Variants in CYLC2 observed in about 807,000 individuals in gnomAD.
CYLC2 encodes cylicin 2, also known as cylicin-2.
Under a neutral mutation model 26.1 loss-of-function variants are expected in CYLC2, and 30 were observed. The ratio of observed to expected loss-of-function variants is 1.15; its 90% CI spans 0.86 to 1.56. The LOEUF (loss-of-function observed/expected upper bound fraction) is 1.56, where lower values mean the gene tolerates loss of function less well. CYLC2 is among the 40% of genes most tolerant of loss of function. The pLI is 0.00. For missense variants in CYLC2, 498 were observed against 394.4 expected (o/e 1.26, Z -2.23); for synonymous variants, 158 against 132.8 (o/e 1.19, Z -1.31).
At chr9:103,009,001 T>G (rs1034006334) in intron 5 of CYLC2, among the ~76,000 whole-genome samples, 1 of 152,154 alleles carries the variant, frequency 6.6e-6, no homozygotes, top group Admixed American at 6.6e-5. Context: ...TTCCCTGCCC[T>G]CATGTGACAA....
At chr9:103,000,716 T>C (rs1383663333) in intron 1 of CYLC2, among the ~76,000 whole-genome samples, 1 of 152,070 alleles carries the variant, frequency 6.6e-6, no homozygotes, top group African/African-American at 2.4e-5. Context: ...CCTTAAGTTT[T>C]ACACGCTGTC....
rs1564100475 is a variant in CYLC2, at chr9:103,013,348, T to TATATTTA, written c.*816+1255_*816+1256insTTAATAT. Among the ~76,000 whole-genome samples, 501 of 81,232 alleles carry TATATTTA rather than the reference T, an allele frequency of 6.2e-3. 16 individuals carry two copies. Among genetic ancestry groups the TATATTTA allele is most frequent in the African/African-American group, 0.024 (483 of 20,528 alleles). 53.3% of individuals were successfully genotyped at this position (81,232 alleles called of 152,430 possible). On this transcript the variant is annotated intron_variant, in intron 6 of 7. Coordinates refer to ENST00000374798, the MANE Select transcript of CYLC2 (RefSeq NM_001340.5). Reference sequence around the variant, plus strand: ...ATATATATTTAATATATTATATAAATATATATTATATAAATATATATTTAA... The same window carrying TATATTTA: ...ATATATATTTAATATATTATATAAATATATTTAATATATTATATAAATATATATTTAA...
chr9:103,009,038 T>C (rs1336932078), intron 5 of CYLC2, among the ~76,000 whole-genome samples: 1 of 152,172 alleles, frequency 6.6e-6, no homozygotes, highest in African/African-American at 2.4e-5. Context: ...TACCATGCAC[T>C]TGTTGCATTG....
At chr9:103,012,773 T>C (rs1829421295) in intron 6 of CYLC2, among the ~76,000 whole-genome samples, 1 of 151,764 alleles carries the variant, frequency 6.6e-6, no homozygotes, top group African/African-American at 2.4e-5. Flanking sequence ...TAAGTTATTA[T>C]ATGTGGTTTA....
intron 7 of CYLC2, among the ~76,000 whole-genome samples, chr9:103,017,895 GATCTGTGTTCTA>G (rs1829523470): frequency 6.6e-6 from 1 of 151,820 alleles, no homozygotes; most frequent in African/African-American, 2.4e-5. Flanking sequence ...CCTCTGTGTG[GATCTGTGTTCTA>G]ATCTCTTGTA....
chr9:103,002,319 T>TATAACG (rs1015336130), intron 2 of CYLC2, among the ~76,000 whole-genome samples: 12 of 150,794 alleles, frequency 8.0e-5, no homozygotes, highest in African/African-American at 2.9e-4. Context: ...ATATGTCACC[T>TATAACG]ATAACGATAC....
At chr9:102,997,028 A>T (rs1271371464) in intron 1 of CYLC2, among the ~76,000 whole-genome samples, 1 of 151,856 alleles carries the variant, frequency 6.6e-6, no homozygotes, top group African/African-American at 2.4e-5. Flanking sequence ...TTAGCTTCCC[A>T]ATCTCGTATC....
At chr9:103,014,294 T>A (rs1468110136) in intron 6 of CYLC2, among the ~76,000 whole-genome samples, 2 of 133,098 alleles carry the variant, frequency 1.5e-5, no homozygotes, top group Non-Finnish European at 3.1e-5. Context: ...GTATACATAA[T>A]ATTACATATA....
intron 7 of CYLC2, among the ~76,000 whole-genome samples, chr9:103,018,061 C>A (rs988793419): frequency 6.6e-6 from 1 of 151,936 alleles, no homozygotes; most frequent in African/African-American, 2.4e-5. Flanking sequence ...GACAATTTAT[C>A]CCACAACGAA....
In CYLC2 at chr9:103,005,297, G is replaced by A; in HGVS notation, c.666G>A (p.Lys222=). 3.7e-6 allele frequency: 6 copies of A among 1,613,604 alleles called. No individual in the cohort carries two copies. The highest frequency in any genetic ancestry group is 5.1e-6 in the Non-Finnish European group (6 of 1,179,886). Residue 222 remains lysine (K), a synonymous_variant, in exon 5 of 8, where the codon AAG becomes AAA. Transcript: ENST00000374798. Reference sequence around the variant, plus strand: ...AGAAAGATAGCAAAAAAGGTAAAAAGGATTCAAAGAAGGGCAAGGATTCAG... The same window carrying A: ...AGAAAGATAGCAAAAAAGGTAAAAAAGATTCAAAGAAGGGCAAGGATTCAG... ...GTEKDSKKGK[K]DSKKGKDSAI...
Position 103,005,197 on chromosome 9 carries a change from A to G in CYLC2, c.566A>G (p.Asn189Ser), listed in dbSNP as rs749657927. 26 of 1,607,590 alleles carry G rather than the reference A, an allele frequency of 1.6e-5. No individual in the cohort carries two copies. The highest frequency in any genetic ancestry group is 1.9e-5 in the Non-Finnish European group (22 of 1,178,408). ...GAAAAAGGAGGTGCAAAGAAAGATAACAAAAAAGATAAAAAGGATTCAAAC... is the reference window on the plus strand; with the variant it reads ...GAAAAAGGAGGTGCAAAGAAAGATAGCAAAAAAGATAAAAAGGATTCAAAC... ...EDEKGGAKKD[N>S]KKDKKDSNKG... Residue 189 changes from asparagine (N) to serine (S), a missense_variant, in exon 5 of 8, where the codon AAC becomes AGC. Physicochemically the swap from Asn to Ser is conservative, Grantham distance 46 (BLOSUM62 1). Coordinates refer to ENST00000374798, the MANE Select transcript of CYLC2 (RefSeq NM_001340.5).
In CYLC2 at chr9:103,015,222, T is replaced by G. The variant is rs1337332228; in HGVS notation, c.*817-1666T>G. Among the ~76,000 whole-genome samples, 282 of 117,554 alleles carry G rather than the reference T, an allele frequency of 2.4e-3. 4 individuals are homozygous for G. Among genetic ancestry groups the G allele is most frequent in the African/African-American group, 8.7e-3 (269 of 30,964 alleles). 77.1% of individuals were successfully genotyped at this position (117,554 alleles called of 152,430 possible). On this transcript the variant is annotated intron_variant, in intron 6 of 7. Coordinates refer to ENST00000374798, the MANE Select transcript of CYLC2 (RefSeq NM_001340.5). ...TCACGTGATATACATAATACGTATA[T>G]ACCTATATTTATATATAATCTGATA...
chr9:103,012,285 CAAACATACACA>C (rs1829415054), intron 6 of CYLC2, among the ~76,000 whole-genome samples, 188 bp downstream of exon 6: 1 of 151,936 alleles, frequency 6.6e-6, no homozygotes, highest in Non-Finnish European at 1.5e-5. Flanking sequence ...ATATATGAGG[CAAACATACACA>C]GCCCCTGGCC....
intron 6 of CYLC2, among the ~76,000 whole-genome samples, chr9:103,014,753 CAT>C (rs1829475186): frequency 3.8e-5 from 1 of 26,132 alleles, no homozygotes; most frequent in African/African-American, 1.5e-4. Context: ...ATGCAATATA[CAT>C]ATGTAATATA....
At chr9:103,000,138 T>C (rs1283177601) in intron 1 of CYLC2, among the ~76,000 whole-genome samples, 2 of 151,910 alleles carry the variant, frequency 1.3e-5, no homozygotes, top group African/African-American at 4.8e-5. Flanking sequence ...ATCATTTTCA[T>C]AATTATCTTA....
rs1342645511 is a variant in CYLC2, at chr9:103,005,545, A to G, written c.914A>G (p.Lys305Arg). The change falls in exon 5 of 8, where the codon AAG becomes AGG. Residue 305 changes from lysine to arginine, a missense_variant. Transcript: ENST00000374798. ...ACGAAAGATGCCAAGAAAGTTGCCA[A>G]GAAAGATACTGAGAAAGAATCTGCT... Reference protein sequence around the residue: ...DATKDAKKVAKKDTEKESADS... With the variant: ...DATKDAKKVARKDTEKESADS... 1 of 1,610,090 alleles carries G rather than the reference A, an allele frequency of 6.2e-7. No homozygotes were observed. The highest frequency in any genetic ancestry group is 2.2e-5 in the East Asian group (1 of 44,832).
intron 5 of CYLC2, among the ~76,000 whole-genome samples, chr9:103,009,722 C>A (rs1829386145): frequency 6.6e-6 from 1 of 151,948 alleles, no homozygotes; most frequent in Non-Finnish European, 1.5e-5. Context: ...TCCCCACTAC[C>A]TTTTCCAGAC....
At chr9:103,010,762 C>T (rs1012895309) in intron 5 of CYLC2, 2 of 152,086 alleles carry the variant, frequency 1.3e-5, no homozygotes, top group African/African-American at 4.8e-5. Flanking sequence ...TCAGCCTCTC[C>T]TCCTACTACT....
Position 103,001,629 on chromosome 9 carries a change from A to C in CYLC2, c.58+11A>C, listed in dbSNP as rs760682559. ...ATAATTACATTCCAGGTAAGAAAGC[A>C]TTCAATATTTATTACAAAACAGGTG... is the stretch of plus-strand genomic sequence containing the variant. On this transcript the variant is annotated intron_variant, in intron 2 of 7. Transcript: ENST00000374798. The C allele has an allele frequency of 1.3e-6, 2 of 1,537,086 alleles. No homozygotes were observed. Among genetic ancestry groups the C allele is most frequent in the Non-Finnish European group, 1.8e-6 (2 of 1,114,242 alleles).
Sources: allele counts gnomAD v4.1 joint callset (sites outside exome capture counted in the v4.1 genomes callset), GRCh38; gene constraint gnomAD v4.1.1; transcripts MANE v1.5; gene names NCBI Gene and HGNC (gene_info 2026-07-23, HGNC 2026-07-21).